SLC47A1: variants seen among roughly 807,000 people sequenced by gnomAD.
SLC47A1 encodes solute carrier family 47 member 1, also known as multidrug and toxin extrusion protein 1.
In SLC47A1, 58 loss-of-function variants were observed where a neutral mutation model predicts 65.8. That is an observed-to-expected ratio of 0.88 (90% CI 0.71 to 1.10). The LOEUF is 1.10. Among genes scored for constraint, SLC47A1 ranks in the 50% least tolerant of loss-of-function variants. The pLI is 0.00. For missense variants in SLC47A1, 706 were observed against 719.2 expected (o/e 0.98, Z 0.21); for synonymous variants, 285 against 295.0 (o/e 0.97, Z 0.35).
Position 19,533,948 on chromosome 17 carries a change from T to A in SLC47A1, c.9T>A (p.Ala3=). 2 of 1,525,642 alleles carry A rather than the reference T, an allele frequency of 1.3e-6. No individual in the cohort carries two copies. The highest frequency in any genetic ancestry group is 1.8e-6 in the Non-Finnish European group (2 of 1,140,830). 94.5% of individuals were successfully genotyped at this position (1,525,642 alleles called of 1,614,324 possible). ME[A]PEEPAPVRGG... ...CGCAGCGCGCGAGTCACATGGAAGC[T>A]CCTGAGGAGCCCGCGCCAGTGCGCG... The change falls in exon 1 of 17, where the codon GCT becomes GCA. Residue 3 remains alanine, a synonymous_variant. Coordinates refer to ENST00000270570, the MANE Select transcript of SLC47A1 (RefSeq NM_018242.3).
At chr17:19,544,221 G>A (rs966519284) in intron 2 of SLC47A1, among the ~76,000 whole-genome samples, 1 of 152,254 alleles carries the variant, frequency 6.6e-6, no homozygotes, top group Non-Finnish European at 1.5e-5. Flanking sequence ...TGGGATTACA[G>A]GCGTGAGCCA....
In SLC47A1 at chr17:19,577,652, G is replaced by C; in HGVS notation, c.*99G>C. On this transcript the variant is annotated 3_prime_UTR_variant, in exon 17 of 17. Coordinates refer to ENST00000270570, the MANE Select transcript of SLC47A1 (RefSeq NM_018242.3). The stretch of plus-strand genomic sequence containing the variant: ...TTTACTGTGAGTTAATGTCATTCAG[G>C]TGTGCCCATGGATTTTGAGGGCTGG... The C allele has an allele frequency of 6.5e-7, 1 of 1,538,476 alleles. No individual in the cohort carries two copies. The highest frequency in any genetic ancestry group is 8.7e-7 in the Non-Finnish European group (1 of 1,148,602).
At chr17:19,549,701 T>C (rs757054478) in intron 5 of SLC47A1, 24 bp downstream of exon 5, 1 of 1,613,862 alleles carries the variant, frequency 6.2e-7, no homozygotes, top group Non-Finnish European at 8.5e-7. Flanking sequence ...GGCTAAGAGA[T>C]TCCCTTCTTG....
chr17:19,556,149 G>A (rs1432240174), intron 10 of SLC47A1, 87 bp downstream of exon 10: 38 of 1,425,482 alleles, frequency 2.7e-5, no homozygotes, highest in African/African-American at 4.2e-5. Context: ...ACAGGCATTC[G>A]TACATGAATC....
intron 14 of SLC47A1, 75 bp from the exon 15 acceptor site, chr17:19,571,403 T>C (rs919094046): frequency 2.3e-6 from 3 of 1,290,108 alleles, no homozygotes; most frequent in South Asian, 1.3e-5. Flanking sequence ...ACAGAAGTGA[T>C]ATAGGCAAAA....
intron 16 of SLC47A1, among the ~76,000 whole-genome samples, chr17:19,573,442 ATGT>A (rs1327047926): frequency 6.6e-6 from 1 of 151,956 alleles, no homozygotes; most frequent in African/African-American, 2.4e-5. Context: ...ATTTTCATTC[ATGT>A]TGTCTAGGCT....
At chr17:19,574,189 C>CT (rs1242902427) in intron 16 of SLC47A1, among the ~76,000 whole-genome samples, 1 of 151,628 alleles carries the variant, frequency 6.6e-6, no homozygotes, top group Non-Finnish European at 1.5e-5. Flanking sequence ...CCCCAAAGTG[C>CT]TGGGATTACA....
At chr17:19,549,482 C>T (rs1447314833) in intron 4 of SLC47A1, among the ~76,000 whole-genome samples, 153 bp from the exon 5 acceptor site, 1 of 152,198 alleles carries the variant, frequency 6.6e-6, no homozygotes, top group East Asian at 1.9e-4. Context: ...GCGTGAGCCA[C>T]CGCGCCCGGC....
At chr17:19,570,373 A>C (rs1045775498) in intron 14 of SLC47A1, among the ~76,000 whole-genome samples, 1 of 152,194 alleles carries the variant, frequency 6.6e-6, no homozygotes, top group Non-Finnish European at 1.5e-5. Flanking sequence ...CAGGCAAAGG[A>C]GTGGGAAAGC....
At position 19,577,492 on chromosome 17, in the gene SLC47A1, TG is replaced by T; in HGVS notation, c.1657del (p.Val553SerfsTer3). On this transcript the variant is annotated frameshift_variant, in exon 17 of 17. Transcript: ENST00000270570. LOFTEE classifies it low-confidence loss of function (END_TRUNC). ...GTGCTGCGGCGAGGGCTTCTGCTCC[TG>T]GGGGTCTTCTTAATCTTGCTGGTGG... is the stretch of plus-strand genomic sequence containing the variant. ...QLVLRRGLLLLGVFLILLVGI... is the reference protein window; with the variant it reads ...QLVLRRGLLLXGVFLILLVGI... 6.2e-7 allele frequency: 1 copy of T among 1,614,170 alleles called. No homozygotes were observed. The highest frequency in any genetic ancestry group is 8.5e-7 in the Non-Finnish European group (1 of 1,180,020).
intron 1 of SLC47A1, among the ~76,000 whole-genome samples, chr17:19,538,557 A>T (rs1373546106): frequency 1.3e-5 from 2 of 152,250 alleles, no homozygotes; most frequent in African/African-American, 4.8e-5. Context: ...GCAGGAATGG[A>T]GTAATGGTGT....
At chr17:19,541,909 G>A (rs976982634) in intron 1 of SLC47A1, among the ~76,000 whole-genome samples, 5 of 152,166 alleles carry the variant, frequency 3.3e-5, no homozygotes, top group African/African-American at 9.6e-5. Flanking sequence ...GGCAGATCAC[G>A]AGGTCAGGAG....
Position 19,534,083 on chromosome 17 carries a change from G to C in SLC47A1, c.135+9G>C. 6.5e-7 allele frequency: 1 copy of C among 1,528,868 alleles called. No individual in the cohort carries two copies. The highest frequency in any genetic ancestry group is 8.8e-7 in the Non-Finnish European group (1 of 1,137,216). 94.7% of individuals were successfully genotyped at this position (1,528,868 alleles called of 1,614,324 possible). A position where few individuals can be genotyped will look rare whatever the true frequency, so the allele number is the denominator to read the frequency against. On this transcript the variant is annotated intron_variant, in intron 1 of 16. Transcript: ENST00000270570. ...TCCTGGCTGGCCCCGCGGTGAGTAA[G>C]GTGGCCTCAGTGGCAGGCCGGTACC... is the stretch of plus-strand genomic sequence containing the variant.
intron 6 of SLC47A1, among the ~76,000 whole-genome samples, chr17:19,553,287 T>C (rs1916503936): frequency 6.6e-6 from 1 of 152,112 alleles, no homozygotes; most frequent in Non-Finnish European, 1.5e-5. Flanking sequence ...CCACTGGACA[T>C]GGAGACGCAT....
At chr17:19,566,962 G>T in intron 13 of SLC47A1, 103 bp downstream of exon 13, 1 of 1,586,476 alleles carries the variant, frequency 6.3e-7, no homozygotes, top group African/African-American at 1.3e-5. Context: ...ATTGAATATT[G>T]TTACCACATT....
intron 6 of SLC47A1, among the ~76,000 whole-genome samples, chr17:19,554,603 C>T (rs1352606536): frequency 6.6e-6 from 1 of 152,168 alleles, no homozygotes; most frequent in Non-Finnish European, 1.5e-5. Context: ...TACGTTTGCA[C>T]TGACTTTATC....
At chr17:19,558,155 C>T (rs920407171) in intron 10 of SLC47A1, among the ~76,000 whole-genome samples, 3 of 152,098 alleles carry the variant, frequency 2.0e-5, no homozygotes, top group African/African-American at 7.2e-5. Flanking sequence ...TGGTAATGTC[C>T]CTTATCACTA....
chr17:19,560,156 A>C (rs766210668), intron 10 of SLC47A1, 32 bp from the exon 11 acceptor site: 4 of 1,501,638 alleles, frequency 2.7e-6, no homozygotes, highest in Non-Finnish European at 3.7e-6. Flanking sequence ...GCAGTTTCTC[A>C]CTCATTGTTG....
intron 6 of SLC47A1, among the ~76,000 whole-genome samples, chr17:19,552,997 G>C (rs1916496774): frequency 1.3e-5 from 2 of 152,148 alleles, no homozygotes; most frequent in South Asian, 4.1e-4. Context: ...TGAAGAGTTT[G>C]CGTTGTGGGA....
Sources: allele counts gnomAD v4.1 joint callset (sites outside exome capture counted in the v4.1 genomes callset), GRCh38; gene constraint gnomAD v4.1.1; transcripts MANE v1.5; gene names NCBI Gene and HGNC (gene_info 2026-07-23, HGNC 2026-07-21).